The following FGGY variants were observed in gnomAD, a reference collection of about 807,000 sequenced individuals.
FGGY encodes FGGY carbohydrate kinase domain-containing protein.
In FGGY, 72 loss-of-function variants were observed where a neutral mutation model predicts 71.3. The observed-to-expected ratio is 1.01, with a 90% confidence interval of 0.84 to 1.23. FGGY has a LOEUF of 1.23. Among genes scored for constraint, FGGY ranks in the 50% most tolerant of loss-of-function variants. The pLI is 0.00. For missense variants in FGGY, 668 were observed against 682.3 expected (o/e 0.98, Z 0.23); for synonymous variants, 251 against 250.3 (o/e 1.00, Z -0.02).
At chr1:59,316,543 T>TC (rs2045488277) in intron 1 of FGGY, among the ~76,000 whole-genome samples, 1 of 152,202 alleles carries the variant, frequency 6.6e-6, no homozygotes, top group Non-Finnish European at 1.5e-5. Context: ...TTTCCTTTTT[T>TC]CACACTGCAT....
intron 5 of FGGY, among the ~76,000 whole-genome samples, chr1:59,380,026 A>G (rs957935909): frequency 6.6e-6 from 1 of 151,746 alleles, no homozygotes; most frequent in African/African-American, 2.4e-5. Context: ...ATTCCCACCT[A>G]TGAGTGAGAA....
At position 59,513,194 on chromosome 1, in the gene FGGY, G is replaced by A. The variant is rs189573536; in HGVS notation, c.799+755G>A. On this transcript the variant is annotated intron_variant, in intron 7 of 15. Transcript: ENST00000303721. Reference sequence around the variant, plus strand: ...TAGCCTTTCATTCTAACAATGTTTTGTTTTAAACTATGATTTATAATTCAT... The same window carrying A: ...TAGCCTTTCATTCTAACAATGTTTTATTTTAAACTATGATTTATAATTCAT... Among the ~76,000 whole-genome samples the A allele has an allele frequency of 2.0e-5, 3 of 152,258 alleles. No individual in the cohort carries two copies. In the East Asian group the frequency reaches 5.8e-4, roughly 29 times the overall value.
chr1:59,723,358 G>T (rs78402262), intron 14 of FGGY, among the ~76,000 whole-genome samples: 6,002 of 151,962 alleles, frequency 0.039, 402 homozygotes, highest in African/African-American at 0.14. Flanking sequence ...ATTCTAACTC[G>T]CTCTCCTTGC....
intron 6 of FGGY, among the ~76,000 whole-genome samples, chr1:59,472,146 A>G (rs2092975919): frequency 1.3e-5 from 2 of 152,214 alleles, no homozygotes; most frequent in African/African-American, 4.8e-5. Flanking sequence ...GCGGGCGGGA[A>G]CCGGGGCTGC....
intron 8 of FGGY, among the ~76,000 whole-genome samples, chr1:59,567,499 AC>A (rs1330584955): frequency 6.6e-6 from 1 of 152,054 alleles, no homozygotes; most frequent in Admixed American, 6.6e-5. Context: ...ATGATCAGCT[AC>A]CCAGGTACTA....
At chr1:59,592,116 TG>T (rs1429584964) in intron 8 of FGGY, among the ~76,000 whole-genome samples, 2 of 152,052 alleles carry the variant, frequency 1.3e-5, no homozygotes, top group Admixed American at 1.3e-4. Context: ...CATCAAAAAG[TG>T]GGCAAAGGAC....
In FGGY at chr1:59,699,170, A is replaced by G. The variant is rs893831242; in HGVS notation, c.1512+25037A>G. On this transcript the variant is annotated intron_variant, in intron 14 of 15. Coordinates refer to ENST00000303721, the MANE Select transcript of FGGY (RefSeq NM_018291.5). ...ACAAACTTTTAGTATCGTGAGCTTCAGCTGAGTCCCTCAGTGTAAATGTTA... is the reference window on the plus strand; with the variant it reads ...ACAAACTTTTAGTATCGTGAGCTTCGGCTGAGTCCCTCAGTGTAAATGTTA... 1.0e-5 allele frequency: 10 copies of G among 985,270 alleles called. No homozygotes were observed. The African/African-American group carries it at 1.6e-4, about 15-fold the overall frequency. The allele number at this position is 985,270 out of a possible 1,614,324, so 61.0% of individuals were successfully genotyped here.
chr1:59,393,131 C>T (rs796493237), intron 5 of FGGY: 17 of 152,352 alleles, frequency 1.1e-4, no homozygotes, highest in African/African-American at 4.1e-4. Context: ...CCTATTTCCG[C>T]CCTTAACCTC....
chr1:59,749,307 C>T (rs1241717721), intron 14 of FGGY, among the ~76,000 whole-genome samples: 3 of 152,154 alleles, frequency 2.0e-5, no homozygotes, highest in African/African-American at 7.2e-5. Context: ...CTCCAATTTG[C>T]GGTCAGTTGG....
intron 2 of FGGY, among the ~76,000 whole-genome samples, chr1:59,332,500 G>A (rs1318198276): frequency 1.3e-5 from 2 of 152,102 alleles, no homozygotes; most frequent in African/African-American, 2.4e-5. Context: ...GTTGGGAATG[G>A]CGATGTTCCT....
chr1:59,495,447 G>A (rs2094001305), intron 6 of FGGY, among the ~76,000 whole-genome samples: 2 of 151,786 alleles, frequency 1.3e-5, no homozygotes, highest in African/African-American at 2.4e-5. Flanking sequence ...TTTTCTTCTA[G>A]GGTTTTTATA....
intron 5 of FGGY, among the ~76,000 whole-genome samples, chr1:59,396,484 C>G (rs911112730): frequency 6.6e-6 from 1 of 152,070 alleles, no homozygotes; most frequent in Non-Finnish European, 1.5e-5. Flanking sequence ...GTCTCAGACT[C>G]CCCTAACTGG....
chr1:59,647,699 A>G (rs573306607), intron 11 of FGGY, among the ~76,000 whole-genome samples: 2 of 150,388 alleles, frequency 1.3e-5, no homozygotes, highest in East Asian at 3.9e-4. Context: ...CTCAGCTTTC[A>G]GAGGCCTCCG....
chr1:59,504,152 C>T (rs2094315614), intron 6 of FGGY, among the ~76,000 whole-genome samples: 1 of 152,268 alleles, frequency 6.6e-6, no homozygotes, highest in Non-Finnish European at 1.5e-5. Context: ...TTGCTGAATA[C>T]ATGGATGTTC....
chr1:59,559,886 A>C (rs1012744861), intron 8 of FGGY, among the ~76,000 whole-genome samples: 1 of 152,202 alleles, frequency 6.6e-6, no homozygotes, highest in East Asian at 1.9e-4. Flanking sequence ...TAAATAAATC[A>C]ATGAAAAGAA....
At chr1:59,512,503 A>G (rs2094543414) in intron 7 of FGGY, 64 bp downstream of exon 7, 2 of 1,516,530 alleles carry the variant, frequency 1.3e-6, no homozygotes, top group African/African-American at 2.8e-5. Context: ...CTAGAACCGA[A>G]GACACTCCTT....
At chr1:59,501,255 TC>T in intron 6 of FGGY, among the ~76,000 whole-genome samples, 1 of 152,244 alleles carries the variant, frequency 6.6e-6, no homozygotes, top group South Asian at 2.1e-4. Flanking sequence ...AAAAAGAACA[TC>T]CTTTATTTTG....
intron 14 of FGGY, chr1:59,680,544 A>T (rs2097487730): frequency 1.3e-5 from 2 of 151,884 alleles, no homozygotes; most frequent in South Asian, 4.1e-4. Flanking sequence ...TTAATTATAA[A>T]ACCTCTGGTT....
At chr1:59,701,734 A>G (rs976928301) in intron 14 of FGGY, among the ~76,000 whole-genome samples, 11 of 152,246 alleles carry the variant, frequency 7.2e-5, no homozygotes, top group African/African-American at 2.4e-4. Flanking sequence ...GGAGAGGGGT[A>G]TGCATGTGTA....
Sources: allele counts gnomAD v4.1 joint callset (sites outside exome capture counted in the v4.1 genomes callset), GRCh38; gene constraint gnomAD v4.1.1; transcripts MANE v1.5; gene names NCBI Gene and HGNC (gene_info 2026-07-23, HGNC 2026-07-21).